Variants in PARVA observed in about 807,000 individuals in gnomAD.
The protein encoded by PARVA is alpha-parvin.
In PARVA, 25 loss-of-function variants were observed where a neutral mutation model predicts 52.6. That is an observed-to-expected ratio of 0.48 (90% CI 0.35 to 0.66). The LOEUF (loss-of-function observed/expected upper bound fraction) is 0.66, where lower values mean the gene tolerates loss of function less well. Ranked by LOEUF, PARVA falls within the 30% of genes least tolerant of loss-of-function variation. The pLI is 0.01. For synonymous variants in PARVA, 185 were observed against 179.1 expected (o/e 1.03, Z -0.26); for missense variants, 373 against 450.9 (o/e 0.83, Z 1.56).
intron 1 of PARVA, among the ~76,000 whole-genome samples, chr11:12,400,158 A>T (rs1008902704): frequency 1.3e-5 from 2 of 152,232 alleles, no homozygotes; most frequent in Non-Finnish European, 2.9e-5. Flanking sequence ...TTTAAAAGGG[A>T]TGTGCCAACA....
chr11:12,493,928 C>T (rs750080455), intron 4 of PARVA, among the ~76,000 whole-genome samples: 2 of 152,230 alleles, frequency 1.3e-5, no homozygotes, highest in Non-Finnish European at 2.9e-5. Flanking sequence ...AGAGTGTCCC[C>T]ACTTCAGTTG....
intron 1 of PARVA, among the ~76,000 whole-genome samples, chr11:12,399,667 T>G (rs1371198813): frequency 8.2e-6 from 1 of 121,402 alleles, no homozygotes; most frequent in African/African-American, 3.9e-5. Context: ...AAGTTTCTTG[T>G]GTGTGTGTAT....
At chr11:12,498,725 C>T (rs1291503023) in intron 5 of PARVA, among the ~76,000 whole-genome samples, 2 of 151,974 alleles carry the variant, frequency 1.3e-5, no homozygotes, top group Non-Finnish European at 2.9e-5. Flanking sequence ...CAGGGATGCC[C>T]CACCACGCCC....
At chr11:12,495,482 CTTAAA>C (rs1736724597) in intron 4 of PARVA, among the ~76,000 whole-genome samples, 1 of 152,184 alleles carries the variant, frequency 6.6e-6, no homozygotes, top group African/African-American at 2.4e-5. Context: ...TTCTGTCAAT[CTTAAA>C]TTAATTAGAA....
At chr11:12,473,885 C>A (rs1333587519) in intron 2 of PARVA, 28 bp from the exon 3 acceptor site, 7 of 1,564,186 alleles carry the variant, frequency 4.5e-6, no homozygotes, top group Admixed American at 1.9e-5. Context: ...ATGCCAGCAC[C>A]CCCACTGAAT....
chr11:12,468,894 T>C (rs1357184127), intron 1 of PARVA, among the ~76,000 whole-genome samples: 1 of 152,228 alleles, frequency 6.6e-6, no homozygotes, highest in African/African-American at 2.4e-5. Context: ...CAGAAGCTTC[T>C]AGAAATTTTC....
intron 1 of PARVA, among the ~76,000 whole-genome samples, chr11:12,389,483 G>A (rs1939626477): frequency 6.6e-6 from 1 of 152,148 alleles, no homozygotes; most frequent in Admixed American, 6.5e-5. Flanking sequence ...TGAGTTCTTG[G>A]ACTTACCCCA....
intron 3 of PARVA, among the ~76,000 whole-genome samples, chr11:12,477,609 A>C (rs1941032277): frequency 6.6e-6 from 1 of 152,192 alleles, no homozygotes; most frequent in East Asian, 1.9e-4. Flanking sequence ...AAAGCAGGGC[A>C]CAATGGAACA....
chr11:12,519,331 A>G (rs1159416169), intron 12 of PARVA, among the ~76,000 whole-genome samples: 1 of 152,048 alleles, frequency 6.6e-6, no homozygotes, highest in African/African-American at 2.4e-5. Context: ...GAGCTCCTCT[A>G]TCCAAACCCC....
chr11:12,517,656 GCTA>G lies in PARVA; in HGVS notation c.917_919del (p.Tyr306del), dbSNP rs1459977698. ...GTGCTGCTCATGGGGCTCCTGGAGG[GCTA>G]CTTTGTGCCCCTGCACAGCTTCTTC... is the stretch of plus-strand genomic sequence containing the variant. On this transcript the variant is annotated inframe_deletion, in exon 11 of 13. Transcript: ENST00000334956. 1.2e-6 allele frequency: 2 copies of G among 1,605,826 alleles called. No individual in the cohort carries two copies. Among genetic ancestry groups the G allele is most frequent in the South Asian group, 2.2e-5 (2 of 89,060 alleles).
At chr11:12,485,537 C>T (rs1007910242) in intron 4 of PARVA, among the ~76,000 whole-genome samples, 1 of 152,006 alleles carries the variant, frequency 6.6e-6, no homozygotes, top group African/African-American at 2.4e-5. Context: ...CTCCCAGTGG[C>T]CAAAGCTGGA....
At chr11:12,513,803 G>C (rs1941533391) in intron 9 of PARVA, 194 bp from the exon 10 acceptor site, 2 of 607,482 alleles carry the variant, frequency 3.3e-6, no homozygotes, top group Non-Finnish European at 5.9e-6. Flanking sequence ...GTATGGGACT[G>C]CAAAGTCGAG....
chr11:12,517,572 G>A, intron 10 of PARVA, 38 bp from the exon 11 acceptor site: 2 of 1,444,250 alleles, frequency 1.4e-6, no homozygotes, highest in African/African-American at 2.8e-5. Context: ...TGGCTGGGAG[G>A]CTCAGGGGCC....
chr11:12,405,667 A>G (rs1396405220), intron 1 of PARVA, among the ~76,000 whole-genome samples: 1 of 152,202 alleles, frequency 6.6e-6, no homozygotes, highest in African/African-American at 2.4e-5. Context: ...TTGCAATAAT[A>G]GAATTAGAGC....
Position 12,421,723 on chromosome 11 carries a change from C to T in PARVA, c.136+43940C>T, listed in dbSNP as rs531504138. Among the ~76,000 whole-genome samples, 3 of 152,328 alleles carry T rather than the reference C, an allele frequency of 2.0e-5. No individual in the cohort carries two copies. The South Asian group carries it at 6.2e-4, about 32-fold the overall frequency. On this transcript the variant is annotated intron_variant, in intron 1 of 12. Transcript: ENST00000334956. The stretch of plus-strand genomic sequence containing the variant: ...ATGTGTTTCAGGGGCCAAGAATGGC[C>T]TTAATTCTTGAATTGCAATTGTGCA...
At chr11:12,446,714 T>A (rs1053632596) in intron 1 of PARVA, among the ~76,000 whole-genome samples, 1 of 152,230 alleles carries the variant, frequency 6.6e-6, no homozygotes, top group Non-Finnish European at 1.5e-5. Flanking sequence ...ATTGTCATCA[T>A]GTGAAAGCTA....
intron 1 of PARVA, among the ~76,000 whole-genome samples, chr11:12,455,198 CTT>C (rs1175458455): frequency 2.0e-5 from 3 of 152,136 alleles, no homozygotes; most frequent in Non-Finnish European, 4.4e-5. Flanking sequence ...GGTTGTCTCT[CTT>C]TTTGTGATGT....
At chr11:12,461,677 G>A (rs1162656833) in intron 1 of PARVA, among the ~76,000 whole-genome samples, 6 of 152,168 alleles carry the variant, frequency 3.9e-5, no homozygotes, top group South Asian at 2.1e-4. Flanking sequence ...GAGGACAGCC[G>A]CATCACATGG....
chr11:12,471,689 G>A (rs1564855605), intron 1 of PARVA, among the ~76,000 whole-genome samples: 1 of 152,224 alleles, frequency 6.6e-6, no homozygotes. Context: ...CATCCATGCT[G>A]TCTGGTGTTG....
Sources: allele counts gnomAD v4.1 joint callset (sites outside exome capture counted in the v4.1 genomes callset), GRCh38; gene constraint gnomAD v4.1.1; transcripts MANE v1.5; gene names NCBI Gene and HGNC (gene_info 2026-07-23, HGNC 2026-07-21).